FAM184B: variants seen among roughly 807,000 people sequenced by gnomAD.
The protein encoded by FAM184B is protein FAM184B.
FAM184B carries 111 observed loss-of-function variants against 135.9 expected under a neutral mutation model. The ratio of observed to expected loss-of-function variants is 0.82; its 90% CI spans 0.70 to 0.96. FAM184B has a LOEUF of 0.96. FAM184B is among the 40% of genes least tolerant of loss of function. FAM184B has a pLI of 0.00. For synonymous variants in FAM184B, 552 were observed against 524.8 expected (o/e 1.05, Z -0.71); for missense variants, 1,375 against 1,323.9 (o/e 1.04, Z -0.60).
At chr4:17,655,251 T>C (rs1715755716) in intron 10 of FAM184B, among the ~76,000 whole-genome samples, 1 of 152,184 alleles carries the variant, frequency 6.6e-6, no homozygotes, top group Non-Finnish European at 1.5e-5. Context: ...ATTGGTGACA[T>C]GTTTATCCCC....
Position 17,636,655 on chromosome 4 carries a change from G to C in FAM184B, c.2667-10C>G. ...TCCGGAATCTTTCAGTCTGTTCCAA[G>C]CAGGCATGCAGTCAAGTCCCCCTTA... On this transcript the variant is annotated splice_polypyrimidine_tract_variant and intron_variant, in intron 14 of 17. Coordinates refer to ENST00000265018, the MANE Select transcript of FAM184B (RefSeq NM_015688.2). 6.5e-7 allele frequency: 1 copy of C among 1,538,056 alleles called. No individual in the cohort carries two copies. The highest frequency in any genetic ancestry group is 8.8e-7 in the Non-Finnish European group (1 of 1,140,124).
At chr4:17,719,004 T>A (rs1682674458) in intron 1 of FAM184B, among the ~76,000 whole-genome samples, 1 of 152,260 alleles carries the variant, frequency 6.6e-6, no homozygotes, top group African/African-American at 2.4e-5. Context: ...GCCCACTGGA[T>A]GTCTGAAAGC....
rs937250836 is a variant in FAM184B at position 17,648,027 on chromosome 4, G to A, written c.2192-236C>T. Reference sequence around the variant, plus strand: ...CTGGTATGAATTATCCCCCACCCCCGCTTCATTTTAGGATGAGGGACCTGA... The same window carrying A: ...CTGGTATGAATTATCCCCCACCCCCACTTCATTTTAGGATGAGGGACCTGA... On this transcript the variant is annotated intron_variant, in intron 11 of 17. Transcript: ENST00000265018. 2.6e-5 allele frequency among the ~76,000 whole-genome samples: 4 copies of A among 152,076 alleles called. No homozygotes were observed. In the East Asian group the frequency reaches 5.8e-4, roughly 22 times the overall value.
intron 1 of FAM184B, among the ~76,000 whole-genome samples, chr4:17,748,404 G>T (rs1718222211): frequency 6.6e-6 from 1 of 151,860 alleles, no homozygotes; most frequent in South Asian, 2.1e-4. Context: ...TCAGAAGTGG[G>T]AATCAAGACT....
intron 1 of FAM184B, among the ~76,000 whole-genome samples, chr4:17,737,365 T>C (rs1473758521): frequency 6.6e-6 from 1 of 151,876 alleles, no homozygotes; most frequent in Non-Finnish European, 1.5e-5. Context: ...TTCAGAACAG[T>C]GTTCTTTTTT....
chr4:17,770,951 C>T (rs183673641), intron 1 of FAM184B, among the ~76,000 whole-genome samples: 12 of 152,344 alleles, frequency 7.9e-5, no homozygotes, highest in African/African-American at 2.9e-4. Flanking sequence ...CTCATTACTC[C>T]ATAAAGAAAC....
intron 7 of FAM184B, among the ~76,000 whole-genome samples, chr4:17,680,825 G>A (rs1480478089): frequency 6.6e-6 from 1 of 152,068 alleles, no homozygotes; most frequent in Non-Finnish European, 1.5e-5. Flanking sequence ...TCATCTTCCA[G>A]TTATTTAACC....
intron 7 of FAM184B, among the ~76,000 whole-genome samples, chr4:17,687,392 G>A (rs1004327335): frequency 1.1e-4 from 16 of 152,162 alleles, no homozygotes; most frequent in African/African-American, 3.9e-4. Context: ...TCAAGCCAGG[G>A]TACTCAAGCG....
At chr4:17,661,815 C>T (rs147543510) in intron 8 of FAM184B, among the ~76,000 whole-genome samples, 2,434 of 152,270 alleles carry the variant, frequency 0.016, 39 homozygotes, top group Middle Eastern at 0.044. Context: ...CCCAGTGAGT[C>T]CCAGGAGAGG....
chr4:17,776,564 G>A (rs1005000087), intron 1 of FAM184B, among the ~76,000 whole-genome samples: 19 of 151,918 alleles, frequency 1.3e-4, no homozygotes, highest in Admixed American at 9.2e-4. Flanking sequence ...AATTCTTTTC[G>A]TATTTTTAGT....
At chr4:17,641,643 CTTTTT>C (rs34886078) in intron 13 of FAM184B, among the ~76,000 whole-genome samples, 11 of 24,372 alleles carry the variant, frequency 4.5e-4, no homozygotes, top group East Asian at 2.4e-3. Context: ...CACGCCCGGC[CTTTTT>C]TTTTTTTTTT....
intron 12 of FAM184B, among the ~76,000 whole-genome samples, chr4:17,643,349 C>T (rs1241249342): frequency 6.6e-6 from 1 of 152,144 alleles, no homozygotes; most frequent in African/African-American, 2.4e-5. Flanking sequence ...CCCTGCATCT[C>T]CTCTCTGTGT....
chr4:17,728,247 C>T (rs1465408191), intron 1 of FAM184B, among the ~76,000 whole-genome samples: 1 of 152,008 alleles, frequency 6.6e-6, no homozygotes, highest in Non-Finnish European at 1.5e-5. Flanking sequence ...ATTGCATATC[C>T]ATCCACAAGC....
chr4:17,764,062 T>C (rs1204829785), intron 1 of FAM184B, among the ~76,000 whole-genome samples: 1 of 152,198 alleles, frequency 6.6e-6, no homozygotes, highest in Non-Finnish European at 1.5e-5. Flanking sequence ...TCTGTCATCC[T>C]AATTATAACA....
chr4:17,726,688 A>T (rs1577278853), intron 1 of FAM184B, among the ~76,000 whole-genome samples: 1 of 152,064 alleles, frequency 6.6e-6, no homozygotes, highest in Admixed American at 6.5e-5. Flanking sequence ...TGTCATTTTG[A>T]CTCTACTTTT....
At chr4:17,738,500 A>T (rs1257202731) in intron 1 of FAM184B, among the ~76,000 whole-genome samples, 1 of 152,164 alleles carries the variant, frequency 6.6e-6, no homozygotes, top group Non-Finnish European at 1.5e-5. Context: ...TCATTGAAGG[A>T]TGATAAAAAC....
chr4:17,688,396 A>T, intron 7 of FAM184B, 28 bp downstream of exon 7: 4 of 1,489,362 alleles, frequency 2.7e-6, no homozygotes, highest in Non-Finnish European at 3.7e-6. Flanking sequence ...AAATATCTTT[A>T]ATTAAATCTG....
At chr4:17,649,600 A>T (rs1473323741) in intron 11 of FAM184B, among the ~76,000 whole-genome samples, 5 of 143,756 alleles carry the variant, frequency 3.5e-5, no homozygotes, top group African/African-American at 1.3e-4. Flanking sequence ...AAAAAAAAAA[A>T]TTTACTTCGT....
intron 7 of FAM184B, among the ~76,000 whole-genome samples, chr4:17,670,696 G>A (rs1360916072): frequency 6.6e-6 from 1 of 152,204 alleles, no homozygotes; most frequent in Non-Finnish European, 1.5e-5. Flanking sequence ...CTATGAAGTA[G>A]CCAGGAAAGG....
Sources: allele counts gnomAD v4.1 joint callset (sites outside exome capture counted in the v4.1 genomes callset), GRCh38; gene constraint gnomAD v4.1.1; transcripts MANE v1.5; gene names NCBI Gene and HGNC (gene_info 2026-07-23, HGNC 2026-07-21).